Variants in PDZD2 observed in about 807,000 individuals in gnomAD.
PDZD2 encodes the protein PDZ domain containing 2, also known as PDZ domain-containing protein 2.
In PDZD2, 90 loss-of-function variants were observed where a neutral mutation model predicts 220.7. The ratio of observed to expected loss-of-function variants is 0.41; its 90% CI spans 0.34 to 0.49. The LOEUF is 0.49. Ranked by LOEUF, PDZD2 falls within the 20% of genes least tolerant of loss-of-function variation. The pLI is 0.28. For missense variants in PDZD2, 3,174 were observed against 3,608.5 expected (o/e 0.88, Z 3.08); for synonymous variants, 1,375 against 1,450.5 (o/e 0.95, Z 1.18).
intron 2 of PDZD2, among the ~76,000 whole-genome samples, chr5:31,868,867 G>A (rs1738479369): frequency 6.6e-6 from 1 of 152,164 alleles, no homozygotes; most frequent in African/African-American, 2.4e-5. Flanking sequence ...CGCCTCCCGG[G>A]TTCAAGCAGA....
chr5:32,024,328 C>T (rs573896426), intron 6 of PDZD2, among the ~76,000 whole-genome samples: 33 of 152,262 alleles, frequency 2.2e-4, no homozygotes, highest in East Asian at 7.7e-4. Flanking sequence ...AGTGCATAAG[C>T]GCTTAGCTAA....
chr5:31,769,631 T>C (rs745890615), intron 1 of PDZD2, among the ~76,000 whole-genome samples: 5 of 152,248 alleles, frequency 3.3e-5, no homozygotes, highest in Non-Finnish European at 7.3e-5. Context: ...TGAAACGCTG[T>C]TGTGTTCTGA....
intron 2 of PDZD2, among the ~76,000 whole-genome samples, chr5:31,920,927 A>G (rs1231947760): frequency 1.3e-5 from 2 of 152,124 alleles, no homozygotes; most frequent in Non-Finnish European, 2.9e-5. Context: ...AGTTTCCTTC[A>G]TGTCTTCGTT....
chr5:31,924,608 C>T (rs1057138945), intron 2 of PDZD2, among the ~76,000 whole-genome samples: 1 of 152,296 alleles, frequency 6.6e-6, no homozygotes, highest in Non-Finnish European at 1.5e-5. Context: ...GGATACTCTT[C>T]ATCTTCCCAG....
At chr5:32,076,800 A>G (rs563654734) in intron 18 of PDZD2, among the ~76,000 whole-genome samples, 5 of 152,360 alleles carry the variant, frequency 3.3e-5, no homozygotes, top group African/African-American at 7.2e-5. Flanking sequence ...GTTAAACTCT[A>G]TCTAGGTTTC....
intron 7 of PDZD2, among the ~76,000 whole-genome samples, chr5:32,042,255 C>CT (rs1301979231): frequency 3.6e-5 from 5 of 137,866 alleles, no homozygotes; most frequent in Non-Finnish European, 7.8e-5. Flanking sequence ...GAGTGAGACT[C>CT]TGTCTAAAAA....
At chr5:31,975,367 G>A (rs1026683062) in intron 2 of PDZD2, among the ~76,000 whole-genome samples, 6 of 152,132 alleles carry the variant, frequency 3.9e-5, no homozygotes, top group East Asian at 1.9e-4. Context: ...TCACTCTCAC[G>A]AGAACAGCAC....
chr5:31,686,648 T>A (rs1008081771), intron 1 of PDZD2, among the ~76,000 whole-genome samples: 3 of 152,222 alleles, frequency 2.0e-5, no homozygotes, highest in Non-Finnish European at 4.4e-5. Flanking sequence ...ATTACAGGCG[T>A]GAGCCACCGT....
chr5:31,839,539 A>G (rs1757144401), intron 2 of PDZD2, among the ~76,000 whole-genome samples: 1 of 152,196 alleles, frequency 6.6e-6, no homozygotes, highest in African/African-American at 2.4e-5. Context: ...GGGAGATGGA[A>G]TATAATCTTT....
intron 1 of PDZD2, among the ~76,000 whole-genome samples, chr5:31,774,861 G>C (rs533946512): frequency 6.6e-6 from 1 of 152,174 alleles, no homozygotes; most frequent in Non-Finnish European, 1.5e-5. Context: ...CTTTAAAAAT[G>C]GAAAGGGATC....
At chr5:31,878,467 C>G (rs1739517395) in intron 2 of PDZD2, among the ~76,000 whole-genome samples, 1 of 150,494 alleles carries the variant, frequency 6.6e-6, no homozygotes. Flanking sequence ...TTCTGGGCCT[C>G]TTGCTTAGAG....
intron 7 of PDZD2, among the ~76,000 whole-genome samples, chr5:32,047,596 A>G (rs1453017575): frequency 6.6e-6 from 1 of 152,238 alleles, no homozygotes; most frequent in East Asian, 1.9e-4. Flanking sequence ...ACCTAAAAAC[A>G]TGGCAAAAAG....
At chr5:31,729,286 G>A (rs865995987) in intron 1 of PDZD2, among the ~76,000 whole-genome samples, 5 of 151,762 alleles carry the variant, frequency 3.3e-5, no homozygotes, top group African/African-American at 7.2e-5. Flanking sequence ...TAGTAGCGAC[G>A]GGGTTTCACC....
At chr5:31,788,731 G>A (rs1308532542) in intron 1 of PDZD2, among the ~76,000 whole-genome samples, 5 of 151,950 alleles carry the variant, frequency 3.3e-5, no homozygotes, top group Admixed American at 2.0e-4. Context: ...GCTGACTTAA[G>A]GGAGTCTCAG....
intron 2 of PDZD2, among the ~76,000 whole-genome samples, chr5:31,965,840 G>A (rs1482519973): frequency 6.6e-6 from 1 of 152,044 alleles, no homozygotes; most frequent in African/African-American, 2.4e-5. Context: ...CAGAGGTTGC[G>A]GTGAGCCTGG....
intron 1 of PDZD2, among the ~76,000 whole-genome samples, chr5:31,759,741 C>G (rs1264589331): frequency 6.6e-6 from 1 of 151,984 alleles, no homozygotes; most frequent in Non-Finnish European, 1.5e-5. Flanking sequence ...AGACGGGTTT[C>G]ACCATGTTGG....
chr5:32,101,206 G>A lies in PDZD2; in HGVS notation c.8320G>A (p.Asp2774Asn), dbSNP rs1452914004. ...LDGGKSSVTG[D>N]GPLVIKRVYK... Reference sequence around the variant, plus strand: ...TGGGGGAAAATCATCGGTGACGGGAGATGGGCCCTTGGTCATTAAAAGAGT... The same window carrying A: ...TGGGGGAAAATCATCGGTGACGGGAAATGGGCCCTTGGTCATTAAAAGAGT... Residue 2774 changes from aspartate to asparagine, a missense_variant, in exon 24 of 25, where the codon GAT becomes AAT. Physicochemically the swap from Asp to Asn is conservative, Grantham distance 23. Coordinates refer to ENST00000438447, the MANE Select transcript of PDZD2 (RefSeq NM_178140.4). 6.2e-7 allele frequency: 1 copy of A among 1,613,958 alleles called. No individual in the cohort carries two copies. Among genetic ancestry groups the A allele is most frequent in the Non-Finnish European group, 8.5e-7 (1 of 1,179,960 alleles).
chr5:31,913,712 GA>G (rs1743407863), intron 2 of PDZD2, among the ~76,000 whole-genome samples: 1 of 152,122 alleles, frequency 6.6e-6, no homozygotes. Flanking sequence ...GTTGAAGGGG[GA>G]AAAACCAAAT....
rs547101170 is a variant in PDZD2, at chr5:31,974,789, C to T, written c.477-8366C>T. Among the ~76,000 whole-genome samples, 4 of 152,238 alleles carry T rather than the reference C, an allele frequency of 2.6e-5. No individual in the cohort carries two copies. The South Asian group carries it at 6.2e-4, about 24-fold the overall frequency. ...TGTGGTGTCTGGGTGCAGTGGCTCA[C>T]ACCTGTAATGCCAGCACTTTGGGAG... On this transcript the variant is annotated intron_variant, in intron 2 of 24. Transcript: ENST00000438447.
Sources: gnomAD v4.1 joint callset for allele counts (sites outside exome capture counted in the v4.1 genomes callset) on GRCh38, gnomAD v4.1.1 for gene constraint, MANE v1.5 for transcripts, NCBI Gene and HGNC (gene_info 2026-07-23, HGNC 2026-07-21) for gene names.